Variants in PTPRM observed in about 807,000 individuals in gnomAD.
PTPRM encodes receptor-type tyrosine-protein phosphatase mu.
PTPRM carries 47 observed loss-of-function variants against 186.7 expected under a neutral mutation model. That is an observed-to-expected ratio of 0.25 (90% CI 0.20 to 0.32). The LOEUF (loss-of-function observed/expected upper bound fraction) is 0.32. Among genes scored for constraint, PTPRM ranks in the 10% least tolerant of loss-of-function variants. PTPRM has a pLI of 1.00. For missense variants in PTPRM, 1,494 were observed against 1,865.0 expected, an observed-to-expected ratio of 0.80 and a Z score of 3.66; for synonymous variants, 668 against 674.9, an observed-to-expected ratio of 0.99 and a Z score of 0.16.
At chr18:8,067,200 T>C (rs2089148313) in intron 7 of PTPRM, among the ~76,000 whole-genome samples, 1 of 152,186 alleles carries the variant, frequency 6.6e-6, no homozygotes, top group Admixed American at 6.6e-5. Context: ...ATAGGAGGCC[T>C]GGGATTAATA....
intron 1 of PTPRM, among the ~76,000 whole-genome samples, chr18:7,707,680 A>G (rs930383647): frequency 1.3e-5 from 2 of 152,122 alleles, no homozygotes; most frequent in Admixed American, 1.3e-4. Flanking sequence ...ACTGTCTCAT[A>G]CTTTATAAGA....
chr18:8,023,879 C>A (rs1293292732), intron 7 of PTPRM, among the ~76,000 whole-genome samples: 1 of 151,652 alleles, frequency 6.6e-6, no homozygotes, highest in Non-Finnish European at 1.5e-5. Context: ...CACGCACACC[C>A]CTCCTATGAA....
chr18:7,848,282 C>T (rs1315486853), intron 2 of PTPRM, among the ~76,000 whole-genome samples: 1 of 152,132 alleles, frequency 6.6e-6, no homozygotes, highest in Non-Finnish European at 1.5e-5. Context: ...ATTGGCCAGG[C>T]AGCTGTAAGA....
chr18:7,690,708 A>T (rs187809065), intron 1 of PTPRM, among the ~76,000 whole-genome samples: 2 of 152,332 alleles, frequency 1.3e-5, no homozygotes, highest in African/African-American at 4.8e-5. Flanking sequence ...AATGTCTGCA[A>T]GTGATATAGT....
chr18:8,098,810 C>G (rs73387764), intron 11 of PTPRM, among the ~76,000 whole-genome samples: 1 of 151,990 alleles, frequency 6.6e-6, no homozygotes, highest in Non-Finnish European at 1.5e-5. Context: ...CAATCACTGT[C>G]TTAGTTCATA....
intron 1 of PTPRM, among the ~76,000 whole-genome samples, chr18:7,697,303 G>A (rs912568561): frequency 6.6e-6 from 1 of 152,136 alleles, no homozygotes; most frequent in African/African-American, 2.4e-5. Context: ...CTCGGTACCT[G>A]GTTATTTGGT....
At chr18:8,042,172 G>A (rs1208416775) in intron 7 of PTPRM, among the ~76,000 whole-genome samples, 1 of 151,644 alleles carries the variant, frequency 6.6e-6, no homozygotes, top group Non-Finnish European at 1.5e-5. Context: ...TATATACTGA[G>A]TGATTTTTTT....
chr18:7,912,713 G>A (rs938210873), intron 4 of PTPRM, among the ~76,000 whole-genome samples: 46 of 151,162 alleles, frequency 3.0e-4, no homozygotes, highest in East Asian at 1.2e-3. Flanking sequence ...TAGAGATGGC[G>A]TTTCACAGTG....
intron 1 of PTPRM, among the ~76,000 whole-genome samples, chr18:7,575,227 G>A (rs533767386): frequency 6.6e-6 from 1 of 152,188 alleles, no homozygotes; most frequent in Admixed American, 6.5e-5. Context: ...TTTGTAGCCG[G>A]CCTTTCTGAG....
At chr18:7,818,079 C>G (rs77453554) in intron 2 of PTPRM, among the ~76,000 whole-genome samples, 1,653 of 152,212 alleles carry the variant, frequency 0.011, 26 homozygotes, top group African/African-American at 0.038. Context: ...AAATTATTTC[C>G]CTTTTATCTT....
intron 1 of PTPRM, among the ~76,000 whole-genome samples, chr18:7,608,903 T>C (rs2037603125): frequency 6.6e-6 from 1 of 152,046 alleles, no homozygotes; most frequent in African/African-American, 2.4e-5. Flanking sequence ...TTAGAACAGA[T>C]GTAGGAAGCA....
intron 1 of PTPRM, among the ~76,000 whole-genome samples, chr18:7,592,189 G>T (rs981432397): frequency 3.9e-5 from 6 of 152,134 alleles, no homozygotes; most frequent in Admixed American, 3.9e-4. Context: ...TTTTAAATTG[G>T]ATGGTACCAG....
chr18:8,314,715 G>T lies in PTPRM; in HGVS notation c.2843-66G>T, dbSNP rs2095295576. 3 of 1,137,310 alleles carry T rather than the reference G, an allele frequency of 2.6e-6. No individual in the cohort carries two copies. The African/African-American group carries it at 4.7e-5, about 18-fold the overall frequency. The allele number at this position is 1,137,310 out of a possible 1,614,324, so 70.5% of individuals were successfully genotyped here. A position where few individuals can be genotyped will look rare whatever the true frequency, so the allele number is the denominator to read the frequency against. On this transcript the variant is annotated intron_variant, in intron 20 of 32. Transcript: ENST00000580170. The stretch of plus-strand genomic sequence containing the variant: ...TCTCTATGTAATATGCTTACATTCT[G>T]GGGCTCAGAGCCACCTACCAGATTG...
chr18:8,278,586 AC>A (rs1428124281), intron 19 of PTPRM, among the ~76,000 whole-genome samples: 2 of 152,232 alleles, frequency 1.3e-5, no homozygotes, highest in Non-Finnish European at 2.9e-5. Flanking sequence ...ATCACATTAT[AC>A]ATTTCAGTGG....
intron 2 of PTPRM, among the ~76,000 whole-genome samples, chr18:7,845,475 CTT>C (rs1471626247): frequency 6.6e-6 from 1 of 152,156 alleles, no homozygotes; most frequent in African/African-American, 2.4e-5. Context: ...GCATCTCACT[CTT>C]TCATGACCGC....
intron 19 of PTPRM, among the ~76,000 whole-genome samples, chr18:8,258,875 A>C (rs2094599830): frequency 6.6e-6 from 1 of 152,150 alleles, no homozygotes; most frequent in Non-Finnish European, 1.5e-5. Flanking sequence ...TCAAAAAAAA[A>C]AAAGTGTGTG....
chr18:7,679,870 A>G (rs75089439), intron 1 of PTPRM, among the ~76,000 whole-genome samples: 11,102 of 151,964 alleles, frequency 0.073, 438 homozygotes, highest in South Asian at 0.15. Flanking sequence ...GAAAAAAAAA[A>G]TATTTTATTT....
At chr18:7,800,040 A>G (rs2043872334) in intron 2 of PTPRM, among the ~76,000 whole-genome samples, 1 of 152,158 alleles carries the variant, frequency 6.6e-6, no homozygotes, top group African/African-American at 2.4e-5. Flanking sequence ...GGATATTTGG[A>G]TTTGGGCATC....
intron 24 of PTPRM, among the ~76,000 whole-genome samples, chr18:8,375,232 T>C (rs2095687462): frequency 6.6e-6 from 1 of 152,204 alleles, no homozygotes; most frequent in African/African-American, 2.4e-5. Context: ...CAGCTCCCCT[T>C]CGATTTACTG....
Sources: allele counts gnomAD v4.1 joint callset (sites outside exome capture counted in the v4.1 genomes callset), GRCh38; gene constraint gnomAD v4.1.1; transcripts MANE v1.5; gene names NCBI Gene and HGNC (gene_info 2026-07-23, HGNC 2026-07-21).